SLC39A11: variants seen among roughly 807,000 people sequenced by gnomAD.
SLC39A11 encodes zinc transporter ZIP11.
SLC39A11 carries 33 observed loss-of-function variants against 36.1 expected under a neutral mutation model. The observed-to-expected ratio is 0.91, with a 90% CI of 0.69 to 1.22. The LOEUF is 1.22. Among genes scored for constraint, SLC39A11 ranks in the 50% most tolerant of loss-of-function variants. SLC39A11 has a pLI of 0.00. For missense variants in SLC39A11, 432 were observed against 430.3 expected (o/e 1.00, Z -0.03); for synonymous variants, 166 against 170.3 (o/e 0.97, Z 0.20).
intron 4 of SLC39A11, among the ~76,000 whole-genome samples, chr17:72,978,558 T>C (rs1326347461): frequency 2.6e-5 from 4 of 151,996 alleles, no homozygotes; most frequent in Non-Finnish European, 5.9e-5. Context: ...GGGAACTCTG[T>C]TTCAGAGAAA....
At chr17:72,821,834 C>T (rs1008124789) in intron 6 of SLC39A11, 1 of 151,428 alleles carries the variant, frequency 6.6e-6, no homozygotes, top group Non-Finnish European at 1.5e-5. Context: ...GGGATGTGAC[C>T]ACACTCTGGA....
At chr17:73,058,373 GGAA>G (rs2059736595) in intron 3 of SLC39A11, among the ~76,000 whole-genome samples, 1 of 152,186 alleles carries the variant, frequency 6.6e-6, no homozygotes, top group Non-Finnish European at 1.5e-5. Context: ...ATAGGTCCTT[GGAA>G]GAATGGATGA....
At chr17:72,828,359 G>A (rs1444177499) in intron 6 of SLC39A11, among the ~76,000 whole-genome samples, 1 of 152,216 alleles carries the variant, frequency 6.6e-6, no homozygotes, top group Admixed American at 6.5e-5. Flanking sequence ...ACTGGGCATT[G>A]CAGGGGAAAA....
rs192833911 is a variant in SLC39A11 at position 72,971,689 on chromosome 17, G to C, written c.307-23814C>G. Among the ~76,000 whole-genome samples, 157 of 152,302 alleles carry C rather than the reference G, an allele frequency of 1.0e-3. 1 individual carries two copies. The highest frequency in any genetic ancestry group is 2.1e-3 in the Admixed American group (32 of 15,296). On this transcript the variant is annotated intron_variant, in intron 4 of 9. Coordinates refer to ENST00000255559, the MANE Select transcript of SLC39A11 (RefSeq NM_139177.4). Reference sequence around the variant, plus strand: ...GCTGGGGCCGGGCCGCCCCCCAGGAGGACTACCAAACTGTATCCCTTGTTA... The same window carrying C: ...GCTGGGGCCGGGCCGCCCCCCAGGACGACTACCAAACTGTATCCCTTGTTA...
At chr17:72,724,248 G>A (rs892276319) in intron 7 of SLC39A11, among the ~76,000 whole-genome samples, 1 of 152,146 alleles carries the variant, frequency 6.6e-6, no homozygotes. Flanking sequence ...CTCTGGAGAT[G>A]AGGCCCAAGA....
chr17:72,669,460 C>T (rs1598290172), intron 7 of SLC39A11, among the ~76,000 whole-genome samples: 1 of 152,122 alleles, frequency 6.6e-6, no homozygotes, highest in South Asian at 2.1e-4. Context: ...TGTAGAATGT[C>T]TCTCAAATTT....
At position 72,647,006 on chromosome 17, in the gene SLC39A11, C is replaced by G. The variant is rs2069590950; in HGVS notation, c.*578G>C. On this transcript the variant is annotated 3_prime_UTR_variant, in exon 10 of 10. Transcript: ENST00000255559. ...ATTTCCTTCCCTTTTTCTGTGTCCCCCTCCCATGTAGTATCTCCTTAGGGG... is the reference window on the plus strand; with the variant it reads ...ATTTCCTTCCCTTTTTCTGTGTCCCGCTCCCATGTAGTATCTCCTTAGGGG... The G allele has an allele frequency of 6.6e-6, 1 of 151,704 alleles. No homozygotes were observed. The highest frequency in any genetic ancestry group is 6.6e-5 in the Admixed American group (1 of 15,198). 9.4% of individuals were successfully genotyped at this position (151,704 alleles called of 1,614,324 possible).
intron 5 of SLC39A11, among the ~76,000 whole-genome samples, chr17:72,941,633 T>C (rs1442079964): frequency 6.6e-6 from 1 of 151,842 alleles, no homozygotes; most frequent in East Asian, 1.9e-4. Context: ...TAGAACACTC[T>C]TCAGAAGCAA....
At chr17:72,865,523 G>A (rs2146289973) in intron 5 of SLC39A11, among the ~76,000 whole-genome samples, 1 of 151,234 alleles carries the variant, frequency 6.6e-6, no homozygotes, top group East Asian at 2.0e-4. Context: ...CATAAAAGCT[G>A]GTTCCAGGGT....
chr17:72,902,913 T>G (rs1367392115), intron 5 of SLC39A11, among the ~76,000 whole-genome samples: 2 of 151,728 alleles, frequency 1.3e-5, no homozygotes, highest in African/African-American at 4.9e-5. Flanking sequence ...TTATTTTGTT[T>G]TTTGTTCTTC....
chr17:72,682,041 C>G (rs1442072216), intron 7 of SLC39A11, among the ~76,000 whole-genome samples: 1 of 152,090 alleles, frequency 6.6e-6, no homozygotes, highest in African/African-American at 2.4e-5. Flanking sequence ...CTCCGCCTCC[C>G]ATCAGATCAG....
chr17:72,811,042 A>G (rs952039610), intron 6 of SLC39A11, among the ~76,000 whole-genome samples: 2 of 147,964 alleles, frequency 1.4e-5, no homozygotes, highest in South Asian at 2.2e-4. Context: ...TACTGTATAT[A>G]TGTTAAAACT....
chr17:72,945,206 G>T (rs906351310), intron 5 of SLC39A11, among the ~76,000 whole-genome samples: 1 of 152,164 alleles, frequency 6.6e-6, no homozygotes, highest in Admixed American at 6.5e-5. Context: ...AAATAGGAAA[G>T]TATCTCATAA....
intron 5 of SLC39A11, among the ~76,000 whole-genome samples, chr17:72,883,095 C>T (rs542167313): frequency 1.6e-4 from 25 of 152,096 alleles, no homozygotes; most frequent in Admixed American, 1.3e-4. Flanking sequence ...CGTGCCAGGC[C>T]GAGAAAATGC....
At chr17:72,929,292 G>T (rs1346108426) in intron 5 of SLC39A11, among the ~76,000 whole-genome samples, 4 of 152,188 alleles carry the variant, frequency 2.6e-5, no homozygotes, top group Non-Finnish European at 4.4e-5. Flanking sequence ...CAGGCACTTA[G>T]GGGCTGCGGA....
chr17:73,023,543 G>A (rs1229761164), intron 4 of SLC39A11, among the ~76,000 whole-genome samples: 1 of 152,166 alleles, frequency 6.6e-6, no homozygotes, highest in Non-Finnish European at 1.5e-5. Context: ...AGGCTGGAGT[G>A]CAGTGGTGTG....
At chr17:72,654,144 G>A (rs1244979393) in intron 7 of SLC39A11, among the ~76,000 whole-genome samples, 2 of 152,098 alleles carry the variant, frequency 1.3e-5, no homozygotes, top group Admixed American at 6.5e-5. Flanking sequence ...CCAGTCTATA[G>A]GGGCAGGACA....
chr17:72,843,393 A>G (rs532734697), intron 6 of SLC39A11, among the ~76,000 whole-genome samples: 7 of 152,262 alleles, frequency 4.6e-5, no homozygotes, highest in Middle Eastern at 3.4e-3. Context: ...CTAATCCCCA[A>G]TGGTATTGTT....
At chr17:73,037,180 C>A (rs1193282054) in intron 3 of SLC39A11, among the ~76,000 whole-genome samples, 1 of 152,176 alleles carries the variant, frequency 6.6e-6, no homozygotes, top group Non-Finnish European at 1.5e-5. Context: ...AATAAAGTGG[C>A]TATAAACACC....
Sources: gnomAD v4.1 joint callset for allele counts (sites outside exome capture counted in the v4.1 genomes callset) on GRCh38, gnomAD v4.1.1 for gene constraint, MANE v1.5 for transcripts, NCBI Gene and HGNC (gene_info 2026-07-23, HGNC 2026-07-21) for gene names.